DOCK1: variants seen among roughly 807,000 people sequenced by gnomAD.
DOCK1 encodes dedicator of cytokinesis 1.
DOCK1 carries 138 observed loss-of-function variants against 262.7 expected under a neutral mutation model. The ratio of observed to expected loss-of-function variants is 0.53; its 90% CI spans 0.46 to 0.61. The LOEUF (loss-of-function observed/expected upper bound fraction) is 0.61, where lower values mean the gene tolerates loss of function less well. Ranked by LOEUF, DOCK1 falls within the 20% of genes least tolerant of loss-of-function variation. DOCK1 has a pLI of 0.00. For missense variants in DOCK1, 1,908 were observed against 2,370.7 expected (o/e 0.80, Z 4.05); for synonymous variants, 866 against 867.4 (o/e 1.00, Z 0.03).
chr10:127,071,941 C>G (rs1203377256), intron 23 of DOCK1, among the ~76,000 whole-genome samples: 1 of 152,174 alleles, frequency 6.6e-6, no homozygotes, highest in African/African-American at 2.4e-5. Context: ...TGCCTTGTCC[C>G]CAGTAATGAT....
chr10:127,338,274 C>G (rs193051240), intron 29 of DOCK1, among the ~76,000 whole-genome samples: 137 of 152,306 alleles, frequency 9.0e-4, no homozygotes, highest in African/African-American at 3.1e-3. Context: ...TAAAACAAAT[C>G]TGTTGAATGA....
chr10:127,159,292 C>T (rs1223414045), intron 27 of DOCK1, among the ~76,000 whole-genome samples: 1 of 152,224 alleles, frequency 6.6e-6, no homozygotes, highest in Non-Finnish European at 1.5e-5. Flanking sequence ...CAGAACACAG[C>T]GTGGAGCTCT....
intron 24 of DOCK1, among the ~76,000 whole-genome samples, chr10:127,107,863 C>T (rs2048625561): frequency 1.3e-5 from 2 of 152,256 alleles, no homozygotes; most frequent in African/African-American, 4.8e-5. Flanking sequence ...TCATGGTGCA[C>T]ACAGATCAGC....
chr10:126,932,291 C>A (rs1463014484), intron 1 of DOCK1, among the ~76,000 whole-genome samples: 1 of 152,210 alleles, frequency 6.6e-6, no homozygotes, highest in African/African-American at 2.4e-5. Context: ...CGCCTAGTCT[C>A]AGCTATGCCG....
At chr10:127,105,366 T>A (rs966705360) in intron 23 of DOCK1, among the ~76,000 whole-genome samples, 1 of 152,244 alleles carries the variant, frequency 6.6e-6, no homozygotes, top group African/African-American at 2.4e-5. Flanking sequence ...TGACAGGATC[T>A]ATCATTAATA....
chr10:127,021,430 G>A (rs949122319), intron 13 of DOCK1, among the ~76,000 whole-genome samples: 65 of 152,290 alleles, frequency 4.3e-4, no homozygotes, highest in East Asian at 5.8e-4. Flanking sequence ...CTCGCAAAGC[G>A]CTGGGATTAC....
chr10:127,396,014 G>A lies in DOCK1; in HGVS notation c.3928-7041G>A, dbSNP rs187756047. 3.9e-5 allele frequency among the ~76,000 whole-genome samples: 6 copies of A among 152,220 alleles called. No homozygotes were observed. In the East Asian group the frequency reaches 1.2e-3, roughly 29 times the overall value. On this transcript the variant is annotated intron_variant, in intron 38 of 51. Coordinates refer to ENST00000623213, the MANE Select transcript of DOCK1 (RefSeq NM_001290223.2). ...TCCTGTGCAGGGCATTTAATGGAGG[G>A]TGTCAAGGAAAGGGAGAAATGAGCA...
chr10:126,957,460 A>G (rs1173490104), intron 1 of DOCK1, among the ~76,000 whole-genome samples: 3 of 152,186 alleles, frequency 2.0e-5, no homozygotes, highest in Admixed American at 1.3e-4. Context: ...GGAATGTTCA[A>G]TCCAGCCTTA....
intron 45 of DOCK1, 82 bp downstream of exon 45, chr10:127,418,623 G>C: frequency 2.0e-6 from 3 of 1,487,752 alleles, no homozygotes. Flanking sequence ...CCAAAGCCCA[G>C]AAACGCCCCT....
At position 126,995,518 on chromosome 10, in the gene DOCK1, C is replaced by T; in HGVS notation, c.474-1230C>T. Among the ~76,000 whole-genome samples the T allele has an allele frequency of 6.6e-6, 1 of 152,224 alleles. No homozygotes were observed. The highest frequency in any genetic ancestry group is 1.9e-4 in the East Asian group (1 of 5,168). On this transcript the variant is annotated intron_variant, in intron 6 of 51. Transcript: ENST00000623213. The surrounding 1 kb of genome is among the most constrained non-coding windows in gnomAD (Gnocchi z 5.8). ...AGTCAGGTGTGGCGGCGCGCGCCTGCAATCCCAGGCACTCCGCAGGCTGAG... is the reference window on the plus strand; with the variant it reads ...AGTCAGGTGTGGCGGCGCGCGCCTGTAATCCCAGGCACTCCGCAGGCTGAG...
chr10:127,056,354 G>A (rs1017469186), intron 22 of DOCK1, among the ~76,000 whole-genome samples: 3 of 152,126 alleles, frequency 2.0e-5, no homozygotes, highest in African/African-American at 4.8e-5. Flanking sequence ...ACAGGCAGGT[G>A]CCAGCATGCC....
At position 127,371,930 on chromosome 10, in the gene DOCK1, G is replaced by A. The variant is rs564990129; in HGVS notation, c.3433-1851G>A. Among the ~76,000 whole-genome samples the A allele has an allele frequency of 4.6e-5, 7 of 152,292 alleles. No individual in the cohort carries two copies. In the South Asian group the frequency reaches 1.5e-3, roughly 32 times the overall value. ...TTATTTTACAGTAAAAATCGTTAATGTGAGATTTCAGGAGAAAAAAAATCT... is the reference window on the plus strand; with the variant it reads ...TTATTTTACAGTAAAAATCGTTAATATGAGATTTCAGGAGAAAAAAAATCT... On this transcript the variant is annotated intron_variant, in intron 33 of 51. Transcript: ENST00000623213.
intron 27 of DOCK1, among the ~76,000 whole-genome samples, chr10:127,217,052 G>A (rs965440783): frequency 6.6e-6 from 1 of 152,080 alleles, no homozygotes; most frequent in African/African-American, 2.4e-5. Flanking sequence ...GAGAGGGAGA[G>A]GGAAGGAAAG....
intron 1 of DOCK1, among the ~76,000 whole-genome samples, chr10:126,949,387 C>G (rs961883451): frequency 4.0e-4 from 61 of 152,234 alleles, no homozygotes; most frequent in African/African-American, 1.3e-3. Context: ...TCGGCTCCCA[C>G]GTGTCCCTTC....
chr10:127,404,035 T>C (rs2067372149), intron 39 of DOCK1, among the ~76,000 whole-genome samples: 1 of 152,234 alleles, frequency 6.6e-6, no homozygotes, highest in Non-Finnish European at 1.5e-5. Context: ...GGCACTTCTT[T>C]GGTTATTGAA....
chr10:127,330,964 A>ATCC (rs1257097216), intron 29 of DOCK1, among the ~76,000 whole-genome samples: 1 of 152,186 alleles, frequency 6.6e-6, no homozygotes, highest in African/African-American at 2.4e-5. Flanking sequence ...CTCACTGCAC[A>ATCC]TCCTCCTTCG....
At chr10:126,929,747 G>A (rs1272418510) in intron 1 of DOCK1, among the ~76,000 whole-genome samples, 4 of 152,026 alleles carry the variant, frequency 2.6e-5, no homozygotes, top group Non-Finnish European at 5.9e-5. Flanking sequence ...CAGGCGGGAG[G>A]GCACTTCAGG....
At chr10:126,948,908 G>A (rs2035895331) in intron 1 of DOCK1, among the ~76,000 whole-genome samples, 1 of 152,128 alleles carries the variant, frequency 6.6e-6, no homozygotes, top group Non-Finnish European at 1.5e-5. Context: ...TGCGTGAGAA[G>A]GCAGGTCTGG....
At chr10:127,069,719 AG>A (rs1416390606) in intron 23 of DOCK1, among the ~76,000 whole-genome samples, 1 of 152,132 alleles carries the variant, frequency 6.6e-6, no homozygotes, top group African/African-American at 2.4e-5. Context: ...CTGGCAACTC[AG>A]GTGAAGCCAA....
Sources: gnomAD v4.1 joint callset for allele counts (sites outside exome capture counted in the v4.1 genomes callset) on GRCh38, gnomAD v4.1.1 for gene constraint, Gnocchi (gnomAD v3.1) non-coding constraint, MANE v1.5 for transcripts, NCBI Gene and HGNC (gene_info 2026-07-23, HGNC 2026-07-21) for gene names.